The following MACROD2 variants were observed in gnomAD, a reference collection of about 807,000 sequenced individuals.
MACROD2 encodes ADP-ribose glycohydrolase MACROD2.
A neutral mutation model predicts 70.4 loss-of-function variants in MACROD2; 36 were observed. The observed-to-expected ratio is 0.51, with a 90% CI of 0.39 to 0.68. The LOEUF is 0.68. Ranked by LOEUF, MACROD2 falls within the 30% of genes least tolerant of loss-of-function variation. The probability of loss-of-function intolerance (pLI) is 0.00; values close to 1 mark genes in which losing one functional copy is unlikely to be tolerated. For synonymous variants in MACROD2, 172 were observed against 178.8 expected (o/e 0.96, Z 0.30); for missense variants, 496 against 538.4 (o/e 0.92, Z 0.78).
At chr20:14,144,726 A>G (rs751215588) in intron 3 of MACROD2, among the ~76,000 whole-genome samples, 15 of 152,186 alleles carry the variant, frequency 9.9e-5, no homozygotes, top group Non-Finnish European at 1.6e-4. Context: ...AGCGACCTTT[A>G]GAAGCAGCCT....
At chr20:15,388,009 C>T (rs1315921593) in intron 6 of MACROD2, among the ~76,000 whole-genome samples, 5 of 152,092 alleles carry the variant, frequency 3.3e-5, no homozygotes, top group African/African-American at 1.2e-4. Context: ...TCATGGCCTC[C>T]CAAAGCACAG....
intron 8 of MACROD2, among the ~76,000 whole-genome samples, chr20:15,818,792 T>A (rs2063904277): frequency 6.6e-6 from 1 of 152,194 alleles, no homozygotes; most frequent in Admixed American, 6.5e-5. Flanking sequence ...CCTGTGCTAA[T>A]AGATTCTATC....
At chr20:15,680,458 C>G (rs2050145849) in intron 8 of MACROD2, among the ~76,000 whole-genome samples, 1 of 152,108 alleles carries the variant, frequency 6.6e-6, no homozygotes, top group Non-Finnish European at 1.5e-5. Context: ...AATACCCGAC[C>G]TATATCATGA....
intron 4 of MACROD2, among the ~76,000 whole-genome samples, chr20:14,641,128 T>TTCAA (rs1187738551): frequency 1.3e-5 from 2 of 152,220 alleles, no homozygotes; most frequent in African/African-American, 4.8e-5. Context: ...TTTTTGTCAT[T>TTCAA]TCAACATTGT....
chr20:15,805,450 G>A (rs1392041229), intron 8 of MACROD2, among the ~76,000 whole-genome samples: 2 of 151,926 alleles, frequency 1.3e-5, no homozygotes, highest in African/African-American at 2.4e-5. Context: ...TTAGTGGAGA[G>A]GAGGTTAAAA....
chr20:15,744,563 C>A (rs1039271158), intron 8 of MACROD2, among the ~76,000 whole-genome samples: 1 of 152,024 alleles, frequency 6.6e-6, no homozygotes, highest in African/African-American at 2.4e-5. Flanking sequence ...CTGGCTGCCT[C>A]CATTGAAGTT....
chr20:15,270,915 C>A (rs540960321), intron 6 of MACROD2, among the ~76,000 whole-genome samples: 2 of 152,320 alleles, frequency 1.3e-5, no homozygotes, highest in East Asian at 3.9e-4. Flanking sequence ...TTTAAGCACA[C>A]CCTTTTCGGT....
At chr20:15,826,673 G>A (rs561260762) in intron 8 of MACROD2, among the ~76,000 whole-genome samples, 1 of 152,256 alleles carries the variant, frequency 6.6e-6, no homozygotes, top group East Asian at 1.9e-4. Context: ...TCACAAAGGT[G>A]TTTAGTATAA....
intron 8 of MACROD2, among the ~76,000 whole-genome samples, chr20:15,576,981 C>G (rs1021508546): frequency 6.6e-6 from 1 of 152,030 alleles, no homozygotes; most frequent in Non-Finnish European, 1.5e-5. Flanking sequence ...CCTTCTCCAT[C>G]TGAAGGGAAA....
chr20:14,413,110 T>C (rs1442886554), intron 3 of MACROD2, among the ~76,000 whole-genome samples: 1 of 151,866 alleles, frequency 6.6e-6, no homozygotes, highest in Non-Finnish European at 1.5e-5. Flanking sequence ...ACTATTATTA[T>C]TATGAGGAAA....
intron 6 of MACROD2, among the ~76,000 whole-genome samples, chr20:15,386,990 T>C (rs1029614310): frequency 6.6e-6 from 1 of 151,730 alleles, no homozygotes; most frequent in Admixed American, 6.6e-5. Flanking sequence ...AATGAGAAAA[T>C]CATTAAAGGA....
intron 5 of MACROD2, among the ~76,000 whole-genome samples, chr20:14,722,797 T>G (rs1428031909): frequency 1.3e-5 from 2 of 152,210 alleles, no homozygotes; most frequent in Non-Finnish European, 2.9e-5. Flanking sequence ...AAAGGTATTG[T>G]CTCTGCTTCT....
intron 13 of MACROD2, among the ~76,000 whole-genome samples, chr20:15,983,096 C>G (rs138051291): frequency 1.3e-5 from 2 of 152,164 alleles, no homozygotes. Flanking sequence ...ATGAAAAGCT[C>G]GTTGCTGTTG....
intron 6 of MACROD2, among the ~76,000 whole-genome samples, chr20:15,263,833 T>TGTTTTCTTTTTTG (rs2077269854): frequency 2.0e-5 from 3 of 152,172 alleles, no homozygotes; most frequent in Non-Finnish European, 4.4e-5. Flanking sequence ...TTTTTTGGAT[T>TGTTTTCTTTTTTG]GTTCACTGTT....
intron 5 of MACROD2, among the ~76,000 whole-genome samples, chr20:14,913,245 A>G (rs1171328986): frequency 6.6e-6 from 1 of 152,184 alleles, no homozygotes; most frequent in Non-Finnish European, 1.5e-5. Context: ...TTTACCTGCC[A>G]TGTGTTTGTC....
chr20:15,202,186 A>G (rs1365583211), intron 5 of MACROD2, among the ~76,000 whole-genome samples: 1 of 152,230 alleles, frequency 6.6e-6, no homozygotes, highest in African/African-American at 2.4e-5. Context: ...ATATCATTTT[A>G]GCTACATGGA....
At chr20:15,480,872 G>A (rs1378840916) in intron 7 of MACROD2, among the ~76,000 whole-genome samples, 2 of 152,080 alleles carry the variant, frequency 1.3e-5, no homozygotes, top group Non-Finnish European at 2.9e-5. Flanking sequence ...GCTCTCTCTT[G>A]TTGGGCTATG....
At chr20:15,576,864 C>T (rs919124846) in intron 8 of MACROD2, among the ~76,000 whole-genome samples, 2 of 152,132 alleles carry the variant, frequency 1.3e-5, no homozygotes, top group African/African-American at 4.8e-5. Flanking sequence ...GTAGTAACAC[C>T]GATAACAGTG....
intron 2 of MACROD2, among the ~76,000 whole-genome samples, chr20:14,059,436 A>T (rs1487126483): frequency 6.6e-6 from 1 of 152,208 alleles, no homozygotes; most frequent in Non-Finnish European, 1.5e-5. Context: ...GGTCAAAAAT[A>T]GGTAAATAAG....
Sources: gnomAD v4.1 joint callset for allele counts (sites outside exome capture counted in the v4.1 genomes callset) on GRCh38, gnomAD v4.1.1 for gene constraint, MANE v1.5 for transcripts, NCBI Gene and HGNC (gene_info 2026-07-23, HGNC 2026-07-21) for gene names.